STK32C: variants seen among roughly 807,000 people sequenced by gnomAD.
The protein encoded by STK32C is serine/threonine-protein kinase 32C.
A neutral mutation model predicts 56.5 loss-of-function variants in STK32C; 31 were observed. The ratio of observed to expected loss-of-function variants is 0.55; its 90% CI spans 0.41 to 0.74. The LOEUF is 0.74. Among genes scored for constraint, STK32C ranks in the 30% least tolerant of loss-of-function variants. The pLI, the probability that STK32C is intolerant of heterozygous loss-of-function variation, is 0.00. For missense variants in STK32C, 544 were observed against 676.9 expected (o/e 0.80, Z 2.18); for synonymous variants, 309 against 289.4 (o/e 1.07, Z -0.69).
At position 132,278,265 on chromosome 10, in the gene STK32C, C is replaced by G. The variant is rs373114055; in HGVS notation, c.262+29307G>C. On this transcript the variant is annotated intron_variant, in intron 1 of 11. Coordinates refer to ENST00000298630, the MANE Select transcript of STK32C (RefSeq NM_173575.4). ...CAGCAAAGACCCACACATGCCATGC[C>G]CCGCACATGCCATGCCTCCGTGAGT... Among the ~76,000 whole-genome samples the G allele has an allele frequency of 1.1e-4, 16 of 152,200 alleles. No individual in the cohort carries two copies. The South Asian group carries it at 3.1e-3, about 30-fold the overall frequency.
At chr10:132,223,319 G>C (rs73401740) in intron 8 of STK32C, among the ~76,000 whole-genome samples, 8,686 of 152,186 alleles carry the variant, frequency 0.057, 487 homozygotes, top group East Asian at 0.21. Context: ...GCTAACACTC[G>C]GCACATGGCT....
rs541228512 is a variant in STK32C, at chr10:132,249,324, CAAGG to C, written c.263-3373_263-3370del. ...AACTGTCCCTGCTTCCTAAGACTGACAAGGAGGGCAGCCACAGGGACACCAAGGG... is the reference window on the plus strand; with the variant it reads ...AACTGTCCCTGCTTCCTAAGACTGACAGGGCAGCCACAGGGACACCAAGGG... On this transcript the variant is annotated intron_variant, in intron 1 of 11. Transcript: ENST00000298630. Among the ~76,000 whole-genome samples the C allele has an allele frequency of 7.5e-3, 1,137 of 152,242 alleles. 9 individuals are homozygous for C. The highest frequency in any genetic ancestry group is 0.02 in the South Asian group (96 of 4,824).
chr10:132,316,561 G>C (rs2066314333), intron 1 of STK32C, among the ~76,000 whole-genome samples: 1 of 152,216 alleles, frequency 6.6e-6, no homozygotes, highest in Admixed American at 6.5e-5. Flanking sequence ...TGAGGCTACA[G>C]TGAACCATGG....
At chr10:132,296,277 C>T (rs1227672134) in intron 1 of STK32C, among the ~76,000 whole-genome samples, 3 of 151,774 alleles carry the variant, frequency 2.0e-5, no homozygotes, top group Admixed American at 6.6e-5. Context: ...TAGACTAAGG[C>T]GCCAGGAGAC....
At chr10:132,288,074 A>G (rs1053300006) in intron 1 of STK32C, among the ~76,000 whole-genome samples, 1 of 152,180 alleles carries the variant, frequency 6.6e-6, no homozygotes, top group Non-Finnish European at 1.5e-5. Context: ...AGCCCAAAAA[A>G]AAAGGTGTCA....
chr10:132,258,327 G>A (rs1368474514), intron 1 of STK32C, among the ~76,000 whole-genome samples: 1 of 152,260 alleles, frequency 6.6e-6, no homozygotes, highest in Admixed American at 6.5e-5. Context: ...AGAGTGGAAA[G>A]CACCTTTCCC....
intron 1 of STK32C, among the ~76,000 whole-genome samples, chr10:132,269,314 C>G (rs74161755): frequency 3.9e-5 from 6 of 152,226 alleles, no homozygotes; most frequent in Middle Eastern, 3.4e-3. Context: ...GAGCTGATTA[C>G]GTGCCTGGCC....
chr10:132,265,352 T>G (rs2064481238), intron 1 of STK32C, among the ~76,000 whole-genome samples: 1 of 152,122 alleles, frequency 6.6e-6, no homozygotes, highest in African/African-American at 2.4e-5. Flanking sequence ...CCTGCCACAC[T>G]CAGCCCAGGC....
In STK32C at chr10:132,263,325, G is replaced by A. The variant is rs554822223; in HGVS notation, c.263-17370C>T. On this transcript the variant is annotated intron_variant, in intron 1 of 11. Transcript: ENST00000298630. ...GCAGCTGGAGGCCATAATCCTAAGC[G>A]ACTTAATGCAGGAACAGAAAACTCA... Among the ~76,000 whole-genome samples, 6 of 152,262 alleles carry A rather than the reference G, an allele frequency of 3.9e-5. No homozygotes were observed. In the South Asian group the frequency reaches 6.2e-4, roughly 16 times the overall value.
Position 132,207,841 on chromosome 10 carries a change from T to TG in STK32C, c.*168dup. ...GGTGTCCCCTGCACCCACAGCCTCT[T>TG]GTCCCCTGCACCACCACGAGCCTGA... On this transcript the variant is annotated 3_prime_UTR_variant, in exon 12 of 12. Coordinates refer to ENST00000298630, the MANE Select transcript of STK32C (RefSeq NM_173575.4). The TG allele has an allele frequency of 1.2e-6, 1 of 814,412 alleles. No individual in the cohort carries two copies. Among genetic ancestry groups the TG allele is most frequent in the Non-Finnish European group, 1.6e-6 (1 of 607,168 alleles). The allele number at this position is 814,412 out of a possible 1,614,324, so 50.4% of individuals were successfully genotyped here.
Position 132,229,262 on chromosome 10 carries a change from T to C in STK32C, c.319-1134A>G, listed in dbSNP as rs2063009388. Among the ~76,000 whole-genome samples, 3 of 152,248 alleles carry C rather than the reference T, an allele frequency of 2.0e-5. No homozygotes were observed. In the South Asian group the frequency reaches 6.2e-4, roughly 32 times the overall value. ...CCTCTGCTCTCTGGTCCTCAAGGAG[T>C]TGGAGCCCAGCAGGGGGCCTGGAGG... On this transcript the variant is annotated intron_variant, in intron 2 of 11. Transcript: ENST00000298630.
In STK32C at chr10:132,245,713, C is replaced by T. The variant is rs190193567; in HGVS notation, c.318+187G>A. Among the ~76,000 whole-genome samples, 224 of 152,348 alleles carry T rather than the reference C, an allele frequency of 1.5e-3. 2 individuals carry two copies. Among genetic ancestry groups the T allele is most frequent in the African/African-American group, 4.8e-3 (200 of 41,588 alleles). Reference sequence around the variant, plus strand: ...GACACCATGGGGCCCAGTCTGATGGCGGCACAGCCAGCTGCCTCCGTGGCA... The same window carrying T: ...GACACCATGGGGCCCAGTCTGATGGTGGCACAGCCAGCTGCCTCCGTGGCA... On this transcript the variant is annotated intron_variant, in intron 2 of 11. Coordinates refer to ENST00000298630, the MANE Select transcript of STK32C (RefSeq NM_173575.4).
At chr10:132,284,647 T>C (rs112322033) in intron 1 of STK32C, among the ~76,000 whole-genome samples, 1,679 of 139,358 alleles carry the variant, frequency 0.012, 19 homozygotes, top group African/African-American at 0.047. Context: ...CATTCCCACA[T>C]CTGCCCAAAG....
intron 1 of STK32C, among the ~76,000 whole-genome samples, chr10:132,265,813 C>T (rs1169878585): frequency 6.6e-6 from 1 of 152,184 alleles, no homozygotes; most frequent in Non-Finnish European, 1.5e-5. Flanking sequence ...CCAACGCGGG[C>T]CCCCTCCATC....
At chr10:132,329,556 A>T (rs1237140592) in intron 1 of STK32C, among the ~76,000 whole-genome samples, 1 of 152,206 alleles carries the variant, frequency 6.6e-6, no homozygotes, top group African/African-American at 2.4e-5. Context: ...AGAAATAGAG[A>T]CCAATGCGGT....
Position 132,255,212 on chromosome 10 carries a change from C to T in STK32C, c.263-9257G>A, listed in dbSNP as rs938978597. On this transcript the variant is annotated intron_variant, in intron 1 of 11. Coordinates refer to ENST00000298630, the MANE Select transcript of STK32C (RefSeq NM_173575.4). The surrounding 1 kb of genome is among the most constrained non-coding windows in gnomAD (Gnocchi z 4.6). ...AAAATCATCCCCCAGGACTCCGAGACGCAGGCCCCGCAGAGCTTGTGCAGC... is the reference window on the plus strand; with the variant it reads ...AAAATCATCCCCCAGGACTCCGAGATGCAGGCCCCGCAGAGCTTGTGCAGC... Among the ~76,000 whole-genome samples, 6 of 152,164 alleles carry T rather than the reference C, an allele frequency of 3.9e-5. No individual in the cohort carries two copies. The highest frequency in any genetic ancestry group is 6.5e-5 in the Admixed American group (1 of 15,284).
intron 10 of STK32C, chr10:132,209,329 C>T (rs1232356511): frequency 1.4e-6 from 1 of 710,574 alleles, no homozygotes; most frequent in African/African-American, 1.7e-5. Context: ...AGCTCCCTTG[C>T]CTCTGGGTGG....
At chr10:132,212,361 T>C (rs2062334821) in intron 10 of STK32C, among the ~76,000 whole-genome samples, 1 of 152,234 alleles carries the variant, frequency 6.6e-6, no homozygotes, top group South Asian at 2.1e-4. Flanking sequence ...GACAGTCAGA[T>C]ATCCACCGAT....
At chr10:132,226,547 C>T (rs1195575614) in intron 4 of STK32C, among the ~76,000 whole-genome samples, 1 of 152,216 alleles carries the variant, frequency 6.6e-6, no homozygotes, top group Non-Finnish European at 1.5e-5. Flanking sequence ...GGGCTAACAG[C>T]CCACTGTGCC....
Sources: allele counts gnomAD v4.1 joint callset (sites outside exome capture counted in the v4.1 genomes callset), GRCh38; gene constraint gnomAD v4.1.1; non-coding constraint Gnocchi (gnomAD v3.1); transcripts MANE v1.5; gene names NCBI Gene and HGNC (gene_info 2026-07-23, HGNC 2026-07-21).